Variants in XKR6 observed in about 807,000 individuals in gnomAD.
XKR6 encodes XK-related protein 6.
A neutral mutation model predicts 56.7 loss-of-function variants in XKR6; 22 were observed. The ratio of observed to expected loss-of-function variants is 0.39; its 90% CI spans 0.28 to 0.55. The LOEUF is 0.55. XKR6 is among the 20% of genes least tolerant of loss of function. XKR6 has a pLI of 0.66. For synonymous variants in XKR6, 524 were observed against 387.8 expected (o/e 1.35, Z -4.13); for missense variants, 852 against 889.0 (o/e 0.96, Z 0.53).
At chr8:11,192,134 A>G (rs972686448) in intron 1 of XKR6, among the ~76,000 whole-genome samples, 13 of 152,158 alleles carry the variant, frequency 8.5e-5, no homozygotes, top group African/African-American at 3.1e-4. Flanking sequence ...CCTGGGCAAT[A>G]TAGCAAGACC....
At chr8:11,123,670 TG>T (rs1291714119) in intron 1 of XKR6, 2 of 344,810 alleles carry the variant, frequency 5.8e-6, no homozygotes, top group Non-Finnish European at 1.1e-5. Context: ...TATATCTTTA[TG>T]TATATATACT....
intron 1 of XKR6, among the ~76,000 whole-genome samples, chr8:11,055,955 C>CAACAGGAA (rs999416648): frequency 1.2e-4 from 18 of 152,320 alleles, no homozygotes; most frequent in African/African-American, 4.3e-4. Context: ...CAAGTAGCAA[C>CAACAGGAA]AACAGGAAGC....
chr8:10,967,549 G>T (rs1339622416), intron 1 of XKR6, among the ~76,000 whole-genome samples: 1 of 152,290 alleles, frequency 6.6e-6, no homozygotes, highest in East Asian at 1.9e-4. Flanking sequence ...TGGGGTGCCT[G>T]GTCTGGGGCA....
intron 2 of XKR6, among the ~76,000 whole-genome samples, chr8:10,911,490 G>C (rs6989105): frequency 6.8e-6 from 1 of 146,578 alleles, no homozygotes; most frequent in Non-Finnish European, 1.5e-5. Flanking sequence ...TATATATATA[G>C]AGAGAGAGGG....
intron 1 of XKR6, among the ~76,000 whole-genome samples, chr8:11,126,330 T>C (rs1254742097): frequency 2.0e-5 from 3 of 152,156 alleles, no homozygotes; most frequent in Admixed American, 6.5e-5. Context: ...CCTCCCAAAG[T>C]GCTGGGATTA....
At chr8:10,999,088 TC>T (rs1240023117) in intron 1 of XKR6, among the ~76,000 whole-genome samples, 2 of 152,188 alleles carry the variant, frequency 1.3e-5, no homozygotes, top group African/African-American at 4.8e-5. Context: ...TTTGTTTTCT[TC>T]TCCCTCCTAG....
intron 1 of XKR6, among the ~76,000 whole-genome samples, chr8:11,039,580 C>G (rs1003253797): frequency 6.6e-6 from 1 of 152,220 alleles, no homozygotes; most frequent in African/African-American, 2.4e-5. Flanking sequence ...AGACAACACG[C>G]GCTGGCCCCA....
chr8:11,063,623 C>A (rs1386256604), intron 1 of XKR6, among the ~76,000 whole-genome samples: 1 of 151,874 alleles, frequency 6.6e-6, no homozygotes, highest in Non-Finnish European at 1.5e-5. Flanking sequence ...ATATGCAAAA[C>A]ATGGCTGGCA....
intron 1 of XKR6, among the ~76,000 whole-genome samples, chr8:10,977,820 C>T (rs1398597870): frequency 1.3e-5 from 2 of 151,508 alleles, no homozygotes; most frequent in African/African-American, 4.9e-5. Context: ...TGGAAGGATC[C>T]AGTGAGCTAA....
intron 1 of XKR6, among the ~76,000 whole-genome samples, chr8:10,964,943 T>A (rs1030652479): frequency 1.3e-5 from 2 of 152,184 alleles, no homozygotes; most frequent in Non-Finnish European, 2.9e-5. Flanking sequence ...AGAATCCACA[T>A]CCCCGTGCAG....
At chr8:11,181,310 G>A (rs903203706) in intron 1 of XKR6, among the ~76,000 whole-genome samples, 2 of 152,092 alleles carry the variant, frequency 1.3e-5, no homozygotes, top group East Asian at 1.9e-4. Flanking sequence ...ACTTATATAA[G>A]CATTTTTAGA....
chr8:10,985,626 A>C (rs1225985925), intron 1 of XKR6, among the ~76,000 whole-genome samples: 2 of 152,000 alleles, frequency 1.3e-5, no homozygotes, highest in Non-Finnish European at 2.9e-5. Context: ...AAAGCAAAAA[A>C]ACAAAACAAA....
At chr8:10,987,573 A>G (rs1018709684) in intron 1 of XKR6, among the ~76,000 whole-genome samples, 6 of 152,200 alleles carry the variant, frequency 3.9e-5, no homozygotes, top group African/African-American at 1.4e-4. Context: ...TGCAGTGGAC[A>G]CTAACTGGCT....
chr8:11,113,164 T>C (rs1798990928), intron 1 of XKR6, among the ~76,000 whole-genome samples: 1 of 152,226 alleles, frequency 6.6e-6, no homozygotes, highest in African/African-American at 2.4e-5. Context: ...ATATTTGTTA[T>C]TAATGCTGTT....
At chr8:11,056,362 C>T (rs538400485) in intron 1 of XKR6, among the ~76,000 whole-genome samples, 34 of 152,328 alleles carry the variant, frequency 2.2e-4, no homozygotes, top group Non-Finnish European at 4.0e-4. Flanking sequence ...CATTGCTAAA[C>T]GTGGGTTCCC....
chr8:10,975,595 G>T (rs763897342), intron 1 of XKR6, among the ~76,000 whole-genome samples: 56 of 152,178 alleles, frequency 3.7e-4, no homozygotes, highest in Non-Finnish European at 4.1e-4. Context: ...GTGGTCTCGC[G>T]GATTTGTGTG....
chr8:10,920,341 C>A (rs1800674343), intron 2 of XKR6, among the ~76,000 whole-genome samples: 1 of 152,116 alleles, frequency 6.6e-6, no homozygotes, highest in Non-Finnish European at 1.5e-5. Flanking sequence ...GTTTCATGCT[C>A]ATAACAACTC....
intron 1 of XKR6, among the ~76,000 whole-genome samples, chr8:11,102,066 G>A (rs1331779721): frequency 6.6e-6 from 1 of 152,212 alleles, no homozygotes; most frequent in African/African-American, 2.4e-5. Flanking sequence ...GGGTCCAGGA[G>A]TGGCTGGAAA....
chr8:11,007,261 C>A lies in XKR6; in HGVS notation c.765-82431G>T, dbSNP rs529960853. 1.1e-4 allele frequency among the ~76,000 whole-genome samples: 17 copies of A among 152,302 alleles called. No individual in the cohort carries two copies. In the South Asian group the frequency reaches 3.5e-3, roughly 32 times the overall value. On this transcript the variant is annotated intron_variant, in intron 1 of 2. Transcript: ENST00000416569. The stretch of plus-strand genomic sequence containing the variant: ...CTAGACCATTCTTGGCATTGTCCAT[C>A]TCCAGTGTCTTGTCATGTATGATAG...
Sources: gnomAD v4.1 joint callset for allele counts (sites outside exome capture counted in the v4.1 genomes callset) on GRCh38, gnomAD v4.1.1 for gene constraint, MANE v1.5 for transcripts, NCBI Gene and HGNC (gene_info 2026-07-23, HGNC 2026-07-21) for gene names.